The following LRRC37A2 variants were observed in gnomAD, a reference collection of about 807,000 sequenced individuals.
LRRC37A2 encodes leucine rich repeat containing 37 member A2.
LRRC37A2 carries 9 observed loss-of-function variants against 68.8 expected under a neutral mutation model. The observed-to-expected ratio is 0.13, with a 90% CI of 0.08 to 0.23. LRRC37A2 has a LOEUF of 0.23. LRRC37A2 is among the 10% of genes least tolerant of loss of function. The probability of loss-of-function intolerance (pLI) is 1.00; values close to 1 mark genes in which losing one functional copy is unlikely to be tolerated. For synonymous variants in LRRC37A2, 63 were observed against 367.6 expected, an observed-to-expected ratio of 0.17 and a Z score of 9.48; for missense variants, 168 against 950.4, an observed-to-expected ratio of 0.18 and a Z score of 10.82.
At chr17:46,927,659 G>C in the LRRC37A2 span, among the ~76,000 whole-genome samples, 1 of 152,148 alleles carries the variant, frequency 6.6e-6, no homozygotes, top group Admixed American at 6.5e-5. Flanking sequence ...CCCAAATAAC[G>C]TGGGGCTGTG....
chr17:46,959,862 T>A, the LRRC37A2 span, among the ~76,000 whole-genome samples: 1 of 152,140 alleles, frequency 6.6e-6, no homozygotes, highest in African/African-American at 2.4e-5. Flanking sequence ...CTTTCTTCCC[T>A]CTCCTGGACT....
chr17:46,398,081 C>T, the LRRC37A2 span, among the ~76,000 whole-genome samples: 5 of 84,524 alleles, frequency 5.9e-5, no homozygotes, highest in East Asian at 2.4e-4. Context: ...GCTGAGATGG[C>T]GCCACTGCAC....
At chr17:47,014,392 G>GAAAAA in the LRRC37A2 span, among the ~76,000 whole-genome samples, 1 of 99,476 alleles carries the variant, frequency 1.0e-5, no homozygotes, top group Non-Finnish European at 2.0e-5. Flanking sequence ...TCCATCTCGA[G>GAAAAA]AAAAAAAAAA....
the LRRC37A2 span, chr17:46,726,532 A>C: frequency 6.2e-7 from 1 of 1,612,766 alleles, no homozygotes; most frequent in Non-Finnish European, 8.5e-7. Context: ...ATAATAAATG[A>C]CTTTGTTTTC....
chr17:46,939,864 C>T, the LRRC37A2 span: 1 of 993,060 alleles, frequency 1.0e-6, no homozygotes, highest in Non-Finnish European at 1.2e-6. Flanking sequence ...TCCTGAAGTC[C>T]ATCTAATGTG....
the LRRC37A2 span, among the ~76,000 whole-genome samples, chr17:46,803,784 C>T: frequency 1.3e-5 from 2 of 152,206 alleles, no homozygotes. Flanking sequence ...GGCAGTGTGG[C>T]CTGCCCTGGC....
chr17:46,986,735 G>T, the LRRC37A2 span, among the ~76,000 whole-genome samples: 13 of 152,220 alleles, frequency 8.5e-5, no homozygotes, highest in African/African-American at 2.2e-4. Flanking sequence ...GTCAATCAGT[G>T]AAACCTAACT....
the LRRC37A2 span, among the ~76,000 whole-genome samples, chr17:46,907,276 G>A: frequency 6.6e-6 from 1 of 152,196 alleles, no homozygotes; most frequent in Non-Finnish European, 1.5e-5. Context: ...GCTCTTCCCA[G>A]GACTGCAATT....
chr17:46,872,293 A>G, the LRRC37A2 span, among the ~76,000 whole-genome samples: 47 of 152,246 alleles, frequency 3.1e-4, no homozygotes, highest in Admixed American at 3.1e-3. Flanking sequence ...GGTGGATAAG[A>G]AGAGCAGAGA....
the LRRC37A2 span, chr17:46,756,939 T>G: frequency 3.9e-5 from 6 of 152,548 alleles, no homozygotes; most frequent in Non-Finnish European, 7.4e-5. Context: ...ACTGACTGAC[T>G]TAGCAGGAAT....
chr17:47,006,590 T>C, the LRRC37A2 span, among the ~76,000 whole-genome samples: 9 of 152,112 alleles, frequency 5.9e-5, no homozygotes, highest in Non-Finnish European at 1.2e-4. Flanking sequence ...CCAGCCTGGG[T>C]GACAGAGCAA....
the LRRC37A2 span, among the ~76,000 whole-genome samples, chr17:46,834,399 G>A: frequency 1.3e-5 from 2 of 152,090 alleles, no homozygotes; most frequent in Admixed American, 6.5e-5. Flanking sequence ...GGGAGGGCGC[G>A]CATTAGGAGA....
the LRRC37A2 span, among the ~76,000 whole-genome samples, chr17:46,858,560 G>A: frequency 1.3e-5 from 2 of 151,952 alleles, no homozygotes; most frequent in East Asian, 3.9e-4. Context: ...TTTTGAGTAA[G>A]CCTGGAGCCT....
At chr17:46,804,302 G>T in the LRRC37A2 span, among the ~76,000 whole-genome samples, 1 of 152,072 alleles carries the variant, frequency 6.6e-6, no homozygotes, top group Non-Finnish European at 1.5e-5. Flanking sequence ...TGGCCAGGCT[G>T]GTTCGAACTC....
chr17:46,874,885 T>A, the LRRC37A2 span: 1 of 720,218 alleles, frequency 1.4e-6, no homozygotes, highest in East Asian at 2.7e-5. Context: ...GCCTGGAAGT[T>A]CCATTTAAAT....
the LRRC37A2 span, among the ~76,000 whole-genome samples, chr17:46,982,705 G>A: frequency 1.3e-5 from 2 of 152,122 alleles, no homozygotes; most frequent in Non-Finnish European, 2.9e-5. Flanking sequence ...GTGCTGGGGA[G>A]GGAAAAAGAC....
the LRRC37A2 span, among the ~76,000 whole-genome samples, chr17:46,794,752 CTTTTTTTT>C: frequency 3.9e-5 from 5 of 129,282 alleles, no homozygotes; most frequent in Admixed American, 8.0e-5. Context: ...CTTTCTTTTT[CTTTTTTTT>C]TTTTTTTTTT....
chr17:46,815,793 C>T, the LRRC37A2 span, among the ~76,000 whole-genome samples: 1 of 152,220 alleles, frequency 6.6e-6, no homozygotes, highest in Admixed American at 6.5e-5. Flanking sequence ...GTGCCCCCTG[C>T]AGCCACCTTG....
At chr17:46,550,315 A>G in intron 10 of LRRC37A2, 100 bp from the exon 10 acceptor site, 1 of 328,534 alleles carries the variant, frequency 3.0e-6, no homozygotes, top group East Asian at 4.0e-5. Flanking sequence ...CCCTCTTTCA[A>G]AAAAATAAAA....
Sources: gnomAD v4.1 joint callset for allele counts (sites outside exome capture counted in the v4.1 genomes callset) on GRCh38, gnomAD v4.1.1 for gene constraint, MANE v1.5 for transcripts, NCBI Gene and HGNC (gene_info 2026-07-23, HGNC 2026-07-21) for gene names.